The following FBXO34 variants were observed in gnomAD, a reference collection of about 807,000 sequenced individuals.
FBXO34 encodes the protein F-box only protein 34.
FBXO34 carries 12 observed loss-of-function variants against 24.5 expected under a neutral mutation model. The observed-to-expected ratio is 0.49, with a 90% CI of 0.31 to 0.79. The LOEUF (loss-of-function observed/expected upper bound fraction) is 0.79. Among genes scored for constraint, FBXO34 ranks in the 30% least tolerant of loss-of-function variants. FBXO34 has a pLI of 0.04. For missense variants in FBXO34, 823 were observed against 857.7 expected, an observed-to-expected ratio of 0.96 and a Z score of 0.51; for synonymous variants, 320 against 311.9, an observed-to-expected ratio of 1.03 and a Z score of -0.27.
At chr14:55,358,487 C>G (rs1171036495), downstream of FBXO34, among the ~76,000 whole-genome samples, 1 of 152,178 alleles carries the variant, frequency 6.6e-6, no homozygotes, top group Non-Finnish European at 1.5e-5. Context: ...TCAGCCACTT[C>G]TCAGGACGAA....
At chr14:55,420,503 G>A in the FBXO34 span, among the ~76,000 whole-genome samples, 5 of 150,590 alleles carry the variant, frequency 3.3e-5, no homozygotes, top group African/African-American at 1.2e-4. Flanking sequence ...CAGGTAAAAC[G>A]CCAAGAGATG....
the FBXO34 span, chr14:55,414,031 C>T: frequency 1.8e-6 from 1 of 540,716 alleles, no homozygotes; most frequent in Admixed American, 1.9e-5. Flanking sequence ...GTATCAGGTG[C>T]CTCACCTCTT....
the FBXO34 span, chr14:55,428,778 T>A: frequency 1.3e-6 from 2 of 1,585,028 alleles, no homozygotes; most frequent in East Asian, 2.2e-5. Context: ...CTTGGTAAAT[T>A]CAAAGTTCAA....
intron 1 of FBXO34, among the ~76,000 whole-genome samples, chr14:55,330,811 T>C (rs1883508684): frequency 6.6e-6 from 1 of 152,210 alleles, no homozygotes; most frequent in African/African-American, 2.4e-5. Context: ...AATTTGTGTA[T>C]GGCACACACA....
chr14:55,365,324 T>TA (rs1884657245), downstream of FBXO34, among the ~76,000 whole-genome samples: 1 of 151,494 alleles, frequency 6.6e-6, no homozygotes, highest in Non-Finnish European at 1.5e-5. Context: ...TTTGGCCTCC[T>TA]AAAGTGCTGG....
chr14:55,366,123 C>T (rs1475898397), downstream of FBXO34, among the ~76,000 whole-genome samples: 1 of 152,112 alleles, frequency 6.6e-6, no homozygotes, highest in Non-Finnish European at 1.5e-5. Context: ...CATTGTAGGT[C>T]ACATGCATCA....
chr14:55,316,663 A>G (rs1414295043), intron 1 of FBXO34, among the ~76,000 whole-genome samples: 2 of 150,000 alleles, frequency 1.3e-5, no homozygotes, highest in African/African-American at 4.9e-5. Flanking sequence ...GGGTGGTTGC[A>G]GTGCATTGAG....
chr14:55,369,944 G>A, downstream of FBXO34: 1 of 1,570,492 alleles, frequency 6.4e-7, no homozygotes, highest in Non-Finnish European at 8.7e-7. Flanking sequence ...AGACAATGAG[G>A]GTCTCTTTAG....
the FBXO34 span, among the ~76,000 whole-genome samples, chr14:55,398,824 T>C: frequency 6.6e-6 from 1 of 151,844 alleles, no homozygotes; most frequent in African/African-American, 2.4e-5. Context: ...GTGCCTAAGA[T>C]GTGGCTTGCT....
the FBXO34 span, among the ~76,000 whole-genome samples, chr14:55,439,613 A>ACCCCCC: frequency 7.9e-4 from 38 of 47,930 alleles, 5 homozygotes; most frequent in East Asian, 1.9e-3. Flanking sequence ...GAGAAAAGCA[A>ACCCCCC]ACCCCCCCCC....
At chr14:55,386,112 C>T in the FBXO34 span, 1 of 1,590,394 alleles carries the variant, frequency 6.3e-7, no homozygotes, top group South Asian at 1.1e-5. Flanking sequence ...ATAAATAAAT[C>T]ACACCCAACA....
At chr14:55,380,079 C>T in the FBXO34 span, among the ~76,000 whole-genome samples, 2 of 152,084 alleles carry the variant, frequency 1.3e-5, no homozygotes, top group Non-Finnish European at 2.9e-5. Context: ...AAACCCCCCT[C>T]ACTCCTAGAA....
intron 1 of FBXO34, among the ~76,000 whole-genome samples, chr14:55,323,223 A>ATTTT (rs1566555885): frequency 1.1e-4 from 2 of 18,512 alleles, no homozygotes; most frequent in East Asian, 1.4e-3. Flanking sequence ...AAAAAAATAT[A>ATTTT]TATTTTTTTT....
the FBXO34 span, among the ~76,000 whole-genome samples, chr14:55,410,997 C>A: frequency 1.3e-5 from 2 of 152,314 alleles, no homozygotes; most frequent in East Asian, 1.9e-4. Context: ...AGCTCCCAAT[C>A]TGAATTTTAA....
chr14:55,360,621 T>C (rs1311752723), intron 3 of FBXO34, among the ~76,000 whole-genome samples: 2 of 152,170 alleles, frequency 1.3e-5, no homozygotes, highest in African/African-American at 4.8e-5. Flanking sequence ...CTTTTCTGTT[T>C]TACACGCGAT....
intron 1 of FBXO34, among the ~76,000 whole-genome samples, chr14:55,346,947 A>G (rs1035008334): frequency 5.9e-5 from 9 of 151,932 alleles, no homozygotes; most frequent in African/African-American, 1.9e-4. Context: ...CCAGAATCCT[A>G]CTCTTACATT....
intron 1 of FBXO34, among the ~76,000 whole-genome samples, chr14:55,304,740 T>C (rs7154796): frequency 0.3 from 45,164 of 151,952 alleles, 7,095 homozygotes; most frequent in Non-Finnish European, 0.34. Context: ...CCTCAAGTGA[T>C]CCTCCCGCCT....
the FBXO34 span, among the ~76,000 whole-genome samples, chr14:55,419,234 G>C: frequency 1.3e-5 from 2 of 152,234 alleles, no homozygotes; most frequent in Non-Finnish European, 2.9e-5. Context: ...ACAGCTGCTT[G>C]ATATCGTTAA....
chr14:55,433,202 C>T, the FBXO34 span, among the ~76,000 whole-genome samples: 1 of 151,952 alleles, frequency 6.6e-6, no homozygotes, highest in Non-Finnish European at 1.5e-5. Context: ...GATCATAGCT[C>T]ATTGCAGCCT....
Sources: gnomAD v4.1 joint callset for allele counts (sites outside exome capture counted in the v4.1 genomes callset) on GRCh38, gnomAD v4.1.1 for gene constraint, MANE v1.5 for transcripts, NCBI Gene and HGNC (gene_info 2026-07-23, HGNC 2026-07-21) for gene names.